CD96: variants seen among roughly 807,000 people sequenced by gnomAD.
CD96 encodes the protein T-cell surface protein tactile.
Under a neutral mutation model 71.3 loss-of-function variants are expected in CD96, and 70 were observed. That is an observed-to-expected ratio of 0.98 (90% CI 0.81 to 1.20). CD96 has a LOEUF of 1.20. Ranked by LOEUF, CD96 falls within the 50% of genes most tolerant of loss-of-function variation. The pLI is 0.00. For missense variants in CD96, 742 were observed against 677.5 expected (o/e 1.10, Z -1.06); for synonymous variants, 248 against 233.0 (o/e 1.06, Z -0.59).
At chr3:111,664,284 A>C (rs1004067274) in intron 14 of CD96, among the ~76,000 whole-genome samples, 8 of 150,490 alleles carry the variant, frequency 5.3e-5, no homozygotes, top group Admixed American at 2.6e-4. Context: ...TGTGGACTGG[A>C]AAAAAAATGT....
intron 2 of CD96, among the ~76,000 whole-genome samples, chr3:111,560,393 G>A (rs1421934867): frequency 1.3e-5 from 2 of 150,454 alleles, no homozygotes; most frequent in African/African-American, 2.5e-5. Context: ...AGCTCTTTTA[G>A]GGCAGGCCTG....
At chr3:111,575,753 A>G (rs1487618512) in intron 3 of CD96, among the ~76,000 whole-genome samples, 1 of 152,258 alleles carries the variant, frequency 6.6e-6, no homozygotes, top group East Asian at 1.9e-4. Flanking sequence ...TATGTTCTCC[A>G]GAGAGGACAA....
At chr3:111,558,078 G>C (rs1480484535) in intron 2 of CD96, among the ~76,000 whole-genome samples, 19 of 148,560 alleles carry the variant, frequency 1.3e-4, no homozygotes, top group African/African-American at 3.7e-4. Context: ...CTTTGCTGAA[G>C]TTGCTTATCA....
At chr3:111,663,841 C>T (rs550113330) in intron 14 of CD96, among the ~76,000 whole-genome samples, 17 of 151,770 alleles carry the variant, frequency 1.1e-4, no homozygotes, top group South Asian at 8.3e-4. Flanking sequence ...CTCCACCTCC[C>T]GGGTTCACGC....
intron 2 of CD96, among the ~76,000 whole-genome samples, chr3:111,551,230 A>G (rs1176294142): frequency 6.6e-6 from 1 of 152,128 alleles, no homozygotes; most frequent in African/African-American, 2.4e-5. Flanking sequence ...TGATAACAAG[A>G]TCCAAGATGT....
chr3:111,647,681 A>C lies in CD96; in HGVS notation c.1601+15A>C. On this transcript the variant is annotated intron_variant, in intron 13 of 13. Transcript: ENST00000352690. ...CAAAAAGAAATGTGAGTATAATACT[A>C]ACATATGTAGGAACAGATTAATTTT... 2 of 1,561,666 alleles carry C rather than the reference A, an allele frequency of 1.3e-6. No homozygotes were observed. The highest frequency in any genetic ancestry group is 1.8e-6 in the Non-Finnish European group (2 of 1,132,538).
intron 7 of CD96, among the ~76,000 whole-genome samples, chr3:111,602,007 T>A (rs1937512929): frequency 1.3e-5 from 2 of 152,232 alleles, no homozygotes. Flanking sequence ...TCCTGTGTAC[T>A]TTGAGTTAAT....
At chr3:111,618,873 G>C (rs553180550) in intron 8 of CD96, among the ~76,000 whole-genome samples, 1 of 151,784 alleles carries the variant, frequency 6.6e-6, no homozygotes, top group Non-Finnish European at 1.5e-5. Context: ...GCCCGGCCTC[G>C]CTTTTTTTTT....
At chr3:111,550,471 C>A (rs898827879) in intron 2 of CD96, among the ~76,000 whole-genome samples, 2 of 151,324 alleles carry the variant, frequency 1.3e-5, no homozygotes, top group Admixed American at 1.3e-4. Context: ...AGTTAATGGG[C>A]AGGATCTAGT....
rs1385624862 is a variant in CD96 at position 111,624,250 on chromosome 3, G to T, written c.1250-83G>T. ...TTTCAGATTTCCCCAAAGTCACATAGATTAAAAATTCTGTGCATCAAAGCA... is the reference window on the plus strand; with the variant it reads ...TTTCAGATTTCCCCAAAGTCACATATATTAAAAATTCTGTGCATCAAAGCA... On this transcript the variant is annotated intron_variant, in intron 9 of 13. Transcript: ENST00000352690. 5.5e-6 allele frequency: 5 copies of T among 909,518 alleles called. No homozygotes were observed. The East Asian group carries it at 9.7e-5, about 18-fold the overall frequency. The allele number at this position is 909,518 out of a possible 1,614,324, so 56.3% of individuals were successfully genotyped here. A position where few individuals can be genotyped will look rare whatever the true frequency, so the allele number is the denominator to read the frequency against.
At chr3:111,542,457 G>A (rs1559705241) in intron 1 of CD96, 148 bp downstream of exon 1, 4 of 708,684 alleles carry the variant, frequency 5.6e-6, no homozygotes, top group African/African-American at 1.7e-5. Flanking sequence ...GTATTTAAGC[G>A]GCAGGTATAA....
intron 8 of CD96, among the ~76,000 whole-genome samples, chr3:111,616,491 A>C (rs1036944953): frequency 6.6e-6 from 1 of 152,020 alleles, no homozygotes; most frequent in South Asian, 2.1e-4. Flanking sequence ...AAGGCCTGCT[A>C]TTCTGGGTGG....
intron 3 of CD96, chr3:111,577,515 C>G (rs145204219): frequency 7.5e-6 from 12 of 1,606,554 alleles, no homozygotes; most frequent in Non-Finnish European, 9.4e-6. Flanking sequence ...AACAGCAGCA[C>G]GGATTCTTGG....
At position 111,624,431 on chromosome 3, in the gene CD96, G is replaced by A. The variant is rs748493472; in HGVS notation, c.1321+27G>A. On this transcript the variant is annotated intron_variant, in intron 10 of 13. Transcript: ENST00000352690. Reference sequence around the variant, plus strand: ...TTAAGTATAATCGTGGGTCCCTTGAGTCCTCTGGACTTCAGTCATTCATCC... The same window carrying A: ...TTAAGTATAATCGTGGGTCCCTTGAATCCTCTGGACTTCAGTCATTCATCC... 1.4e-5 allele frequency: 19 copies of A among 1,339,966 alleles called. No individual in the cohort carries two copies. The Admixed American group carries it at 2.5e-4, about 18-fold the overall frequency. The allele number at this position is 1,339,966 out of a possible 1,614,324, so 83.0% of individuals were successfully genotyped here. A position where few individuals can be genotyped will look rare whatever the true frequency, so the allele number is the denominator to read the frequency against.
At chr3:111,587,082 C>T (rs1010491875) in intron 5 of CD96, among the ~76,000 whole-genome samples, 1 of 151,982 alleles carries the variant, frequency 6.6e-6, no homozygotes, top group Non-Finnish European at 1.5e-5. Context: ...ACAGCCATTC[C>T]AAATGGAAGA....
intron 5 of CD96, among the ~76,000 whole-genome samples, chr3:111,587,343 G>A (rs776318893): frequency 6.6e-5 from 10 of 152,166 alleles, no homozygotes; most frequent in Non-Finnish European, 8.8e-5. Flanking sequence ...CTACCATTCT[G>A]TGGTCTGAAG....
intron 5 of CD96, among the ~76,000 whole-genome samples, chr3:111,592,301 G>A (rs1204993947): frequency 2.6e-5 from 4 of 152,190 alleles, no homozygotes; most frequent in Middle Eastern, 3.4e-3. Flanking sequence ...TAGACTGTTA[G>A]GATCTCTTTT....
intron 3 of CD96, chr3:111,577,576 AT>A: frequency 6.9e-7 from 1 of 1,442,972 alleles, no homozygotes; most frequent in Non-Finnish European, 9.8e-7. Flanking sequence ...AGGAAAAAGA[AT>A]TCAGCAGAGT....
Position 111,627,398 on chromosome 3 carries a change from C to T in CD96, c.1321+2994C>T, listed in dbSNP as rs116285546. 7.4e-3 allele frequency among the ~76,000 whole-genome samples: 1,129 copies of T among 152,362 alleles called. 15 individuals are homozygous for T. Among genetic ancestry groups the T allele is most frequent in the African/African-American group, 0.026 (1,071 of 41,586 alleles). The stretch of plus-strand genomic sequence containing the variant: ...GCTGTTTTGTTAAGGAATGACCAGA[C>T]TGCTTCTTTAAACAGACCCAGATCC... On this transcript the variant is annotated intron_variant, in intron 10 of 13. Transcript: ENST00000352690.
Sources: gnomAD v4.1 joint callset for allele counts (sites outside exome capture counted in the v4.1 genomes callset) on GRCh38, gnomAD v4.1.1 for gene constraint, MANE v1.5 for transcripts, NCBI Gene and HGNC (gene_info 2026-07-23, HGNC 2026-07-21) for gene names.